MTMR7: variants seen among roughly 807,000 people sequenced by gnomAD.
MTMR7 encodes the protein phosphatidylinositol-3-phosphate phosphatase MTMR7.
A neutral mutation model predicts 81.2 loss-of-function variants in MTMR7; 76 were observed. The observed-to-expected ratio is 0.94, with a 90% CI of 0.78 to 1.13. The LOEUF is 1.13. MTMR7 is among the 50% of genes most tolerant of loss of function. The probability of loss-of-function intolerance (pLI) is 0.00; values close to 1 mark genes in which losing one functional copy is unlikely to be tolerated. For synonymous variants in MTMR7, 372 were observed against 289.8 expected (o/e 1.28, Z -2.88); for missense variants, 1,044 against 820.0 (o/e 1.27, Z -3.34).
intron 4 of MTMR7, among the ~76,000 whole-genome samples, chr8:17,359,946 A>G (rs924123745): frequency 1.3e-5 from 2 of 152,172 alleles, no homozygotes; most frequent in African/African-American, 4.8e-5. Context: ...TTATATTAAA[A>G]TGCTATCTTT....
At chr8:17,316,418 C>CT (rs1432154966) in intron 7 of MTMR7, among the ~76,000 whole-genome samples, 3 of 151,446 alleles carry the variant, frequency 2.0e-5, no homozygotes. Context: ...CATCCCCCTA[C>CT]TGTTGACAGT....
rs1563384022 is a variant in MTMR7 at position 17,405,910 on chromosome 8, AATTAC to A, written c.24+7354_24+7358del. Reference sequence around the variant, plus strand: ...AGAAAATGGACATGATTTTCTTTTAAATTACACTGTTTTATATATGTAAAGAAAAA... The same window carrying A: ...AGAAAATGGACATGATTTTCTTTTAAACTGTTTTATATATGTAAAGAAAAA... On this transcript the variant is annotated intron_variant, in intron 1 of 13. Transcript: ENST00000180173. Among the ~76,000 whole-genome samples the A allele has an allele frequency of 2.0e-5, 3 of 151,892 alleles. No homozygotes were observed. In the South Asian group the frequency reaches 6.3e-4, roughly 32 times the overall value.
At chr8:17,398,345 T>C (rs1821321495) in intron 1 of MTMR7, among the ~76,000 whole-genome samples, 1 of 152,104 alleles carries the variant, frequency 6.6e-6, no homozygotes, top group Non-Finnish European at 1.5e-5. Flanking sequence ...ATTTAACAAA[T>C]AGATTCAAAT....
intron 3 of MTMR7, among the ~76,000 whole-genome samples, chr8:17,369,123 T>G (rs1820328069): frequency 6.6e-6 from 1 of 152,224 alleles, no homozygotes; most frequent in Non-Finnish European, 1.5e-5. Flanking sequence ...TATCGCCTAG[T>G]ACTTCCATTA....
chr8:17,302,389 TGCAAATTTCA>T (rs1215318066), intron 12 of MTMR7, 109 bp from the exon 13 acceptor site: 1 of 1,275,922 alleles, frequency 7.8e-7, no homozygotes, highest in Non-Finnish European at 1.0e-6. Flanking sequence ...AATAACCAAA[TGCAAATTTCA>T]GCCTCAAAAA....
At chr8:17,367,586 C>G (rs1233810433) in intron 3 of MTMR7, among the ~76,000 whole-genome samples, 1 of 152,166 alleles carries the variant, frequency 6.6e-6, no homozygotes, top group Non-Finnish European at 1.5e-5. Flanking sequence ...AGTCTGTGAC[C>G]AAATTGTTAT....
chr8:17,355,315 C>T (rs541751523), intron 4 of MTMR7, among the ~76,000 whole-genome samples: 2 of 152,096 alleles, frequency 1.3e-5, no homozygotes, highest in Non-Finnish European at 2.9e-5. Context: ...TTACATGAGT[C>T]AGATACTTTA....
intron 4 of MTMR7, among the ~76,000 whole-genome samples, chr8:17,352,513 G>A (rs1288426656): frequency 6.6e-6 from 1 of 152,144 alleles, no homozygotes; most frequent in Non-Finnish European, 1.5e-5. Context: ...AAGAACATAA[G>A]GGACAAGCTT....
intron 1 of MTMR7, among the ~76,000 whole-genome samples, chr8:17,408,613 A>G (rs4921547): frequency 6.6e-6 from 1 of 152,100 alleles, no homozygotes; most frequent in East Asian, 1.9e-4. Flanking sequence ...CTGCTCTTGG[A>G]TAAGACAATG....
At chr8:17,348,690 C>T (rs533926144) in intron 5 of MTMR7, among the ~76,000 whole-genome samples, 1 of 152,186 alleles carries the variant, frequency 6.6e-6, no homozygotes, top group South Asian at 2.1e-4. Flanking sequence ...ACAGTATTCA[C>T]TTGCATGATT....
chr8:17,353,184 G>T (rs1221436099), intron 4 of MTMR7, among the ~76,000 whole-genome samples: 1 of 152,138 alleles, frequency 6.6e-6, no homozygotes, highest in East Asian at 1.9e-4. Context: ...ACATAAGCCT[G>T]TCACAAAAAG....
chr8:17,314,718 ATAT>A (rs1817973218), intron 7 of MTMR7, among the ~76,000 whole-genome samples: 1 of 152,218 alleles, frequency 6.6e-6, no homozygotes, highest in South Asian at 2.1e-4. Flanking sequence ...TAAGAAAAAC[ATAT>A]TATGAATATG....
chr8:17,329,876 A>ACCTGAG (rs1364089408), intron 7 of MTMR7, among the ~76,000 whole-genome samples: 2 of 152,318 alleles, frequency 1.3e-5, no homozygotes, highest in East Asian at 3.9e-4. Context: ...TGTCACTGTG[A>ACCTGAG]CCTGAGAGAC....
At chr8:17,368,449 T>G (rs1820305416) in intron 3 of MTMR7, among the ~76,000 whole-genome samples, 1 of 152,126 alleles carries the variant, frequency 6.6e-6, no homozygotes, top group African/African-American at 2.4e-5. Context: ...CTACTAGAAT[T>G]CAAAGTACAC....
chr8:17,302,714 C>A (rs1231579019), intron 12 of MTMR7, among the ~76,000 whole-genome samples: 2 of 79,422 alleles, frequency 2.5e-5, no homozygotes, highest in African/African-American at 7.2e-5. Context: ...CCCCCCCCCC[C>A]CCGCTTTTTT....
intron 5 of MTMR7, among the ~76,000 whole-genome samples, chr8:17,347,058 G>A (rs4921758): frequency 0.15 from 23,052 of 151,642 alleles, 2,097 homozygotes; most frequent in African/African-American, 0.23. Context: ...TAGCTGGGCC[G>A]GGTGGCACAC....
chr8:17,399,494 G>T (rs905803122), intron 1 of MTMR7, among the ~76,000 whole-genome samples: 6 of 152,060 alleles, frequency 3.9e-5, no homozygotes, highest in African/African-American at 1.4e-4. Context: ...ACACAAAAAT[G>T]GAAAGATATT....
intron 6 of MTMR7, among the ~76,000 whole-genome samples, chr8:17,339,927 C>T (rs1050175542): frequency 6.6e-6 from 1 of 152,186 alleles, no homozygotes; most frequent in African/African-American, 2.4e-5. Context: ...CCACTGTAAA[C>T]AGTGTGGTAT....
Position 17,302,245 on chromosome 8 carries a change from C to T in MTMR7, c.1529G>A (p.Gly510Glu), listed in dbSNP as rs763464269. ...WSGMYNRFEK[G>E]MQPRQSVTDY... Reference sequence around the variant, plus strand: ...TGTAACTGACTGTCGGGGCTGCATCCCCTTTTCAAAGCGGTTATACATTCC... The same window carrying T: ...TGTAACTGACTGTCGGGGCTGCATCTCCTTTTCAAAGCGGTTATACATTCC... The change falls in exon 13 of 14, where the codon GGG becomes GAG. Residue 510 changes from glycine to glutamate, a missense_variant. Physicochemically the swap from Gly to Glu is moderately conservative, Grantham distance 98. Coordinates refer to ENST00000180173, the MANE Select transcript of MTMR7 (RefSeq NM_004686.5). The T allele has an allele frequency of 3.7e-6, 6 of 1,613,902 alleles. No individual in the cohort carries two copies. The highest frequency in any genetic ancestry group is 3.4e-6 in the Non-Finnish European group (4 of 1,179,962).
Sources: allele counts gnomAD v4.1 joint callset (sites outside exome capture counted in the v4.1 genomes callset), GRCh38; gene constraint gnomAD v4.1.1; transcripts MANE v1.5; gene names NCBI Gene and HGNC (gene_info 2026-07-23, HGNC 2026-07-21).